Variants in SLC30A8 observed in about 807,000 individuals in gnomAD.
SLC30A8 encodes the protein solute carrier family 30 member 8.
Under a neutral mutation model 36.9 loss-of-function variants are expected in SLC30A8, and 27 were observed. The observed-to-expected ratio is 0.73, with a 90% CI of 0.54 to 1.01. The LOEUF (loss-of-function observed/expected upper bound fraction) is 1.01, where lower values mean the gene tolerates loss of function less well. Among genes scored for constraint, SLC30A8 ranks in the 50% least tolerant of loss-of-function variants. SLC30A8 has a pLI of 0.00. For synonymous variants in SLC30A8, 164 were observed against 172.4 expected (o/e 0.95, Z 0.38); for missense variants, 439 against 452.0 (o/e 0.97, Z 0.26).
intron 1 of SLC30A8, among the ~76,000 whole-genome samples, chr8:116,981,514 C>A (rs1408482355): frequency 1.3e-5 from 2 of 152,156 alleles, no homozygotes; most frequent in African/African-American, 4.8e-5. Context: ...TTTCACCACC[C>A]AGGTAATAAG....
At chr8:116,959,192 G>C (rs75574855) in intron 1 of SLC30A8, among the ~76,000 whole-genome samples, 1 of 151,888 alleles carries the variant, frequency 6.6e-6, no homozygotes, top group Non-Finnish European at 1.5e-5. Context: ...TCTGTGTTTC[G>C]AGTGGTTTCT....
intron 1 of SLC30A8, among the ~76,000 whole-genome samples, chr8:116,976,822 C>CTTTCT (rs1288131947): frequency 2.9e-5 from 1 of 34,894 alleles, no homozygotes; most frequent in Non-Finnish European, 6.6e-5. Context: ...TTCTTTCTTT[C>CTTTCT]TTTTTTTTTT....
At chr8:117,050,196 C>T (rs1007356919) in intron 2 of SLC30A8, among the ~76,000 whole-genome samples, 3 of 152,032 alleles carry the variant, frequency 2.0e-5, no homozygotes, top group Admixed American at 6.6e-5. Flanking sequence ...GTCTGTGGCC[C>T]GGCTCTGCTT....
intron 1 of SLC30A8, among the ~76,000 whole-genome samples, chr8:117,023,761 C>T (rs1157098127): frequency 6.6e-6 from 1 of 151,302 alleles, no homozygotes; most frequent in Non-Finnish European, 1.5e-5. Context: ...TGGAGATATA[C>T]CTAAAGTTAA....
At chr8:116,989,463 TA>T (rs1403610520) in intron 1 of SLC30A8, among the ~76,000 whole-genome samples, 1 of 152,226 alleles carries the variant, frequency 6.6e-6, no homozygotes, top group Non-Finnish European at 1.5e-5. Flanking sequence ...TACCTCATCC[TA>T]TATTGTTTAT....
chr8:117,087,684 ACT>A (rs1454126731), intron 2 of SLC30A8, among the ~76,000 whole-genome samples: 1 of 151,764 alleles, frequency 6.6e-6, no homozygotes, highest in African/African-American at 2.4e-5. Context: ...ATTATATGCC[ACT>A]CTTAGCAACT....
At chr8:117,150,088 G>A (rs985205471) in intron 2 of SLC30A8, among the ~76,000 whole-genome samples, 6 of 152,114 alleles carry the variant, frequency 3.9e-5, no homozygotes, top group African/African-American at 7.2e-5. Context: ...TTTTCTTATC[G>A]ACATTATAAA....
At chr8:117,138,493 C>G (rs1821476123) in intron 1 of SLC30A8, among the ~76,000 whole-genome samples, 1 of 151,956 alleles carries the variant, frequency 6.6e-6, no homozygotes, top group Non-Finnish European at 1.5e-5. Flanking sequence ...GCTCCCTCTC[C>G]TCCCAGCTTC....
chr8:117,098,040 ATAAT>A (rs1467942236), intron 2 of SLC30A8, among the ~76,000 whole-genome samples: 2 of 135,948 alleles, frequency 1.5e-5, no homozygotes, highest in African/African-American at 5.5e-5. Flanking sequence ...TTAAATAAAT[ATAAT>A]TATATATAAT....
intron 6 of SLC30A8, among the ~76,000 whole-genome samples, chr8:117,166,938 A>G (rs1466762350): frequency 6.6e-6 from 1 of 151,922 alleles, no homozygotes; most frequent in Non-Finnish European, 1.5e-5. Context: ...TAGTGTTGAC[A>G]ACAGTGAAAT....
intron 2 of SLC30A8, among the ~76,000 whole-genome samples, chr8:117,099,153 C>T (rs892115757): frequency 6.6e-6 from 1 of 152,124 alleles, no homozygotes; most frequent in Non-Finnish European, 1.5e-5. Flanking sequence ...TGTGGAATGC[C>T]TACAGCCAAA....
intron 1 of SLC30A8, among the ~76,000 whole-genome samples, chr8:116,959,789 G>T (rs1596895): frequency 6.6e-6 from 1 of 151,996 alleles, no homozygotes. Context: ...TTCCCAGCCT[G>T]TGTGAAGACT....
At chr8:117,131,237 T>C (rs1821125691), upstream of SLC30A8, among the ~76,000 whole-genome samples, 1 of 152,038 alleles carries the variant, frequency 6.6e-6, no homozygotes, top group African/African-American at 2.4e-5. Flanking sequence ...TTCATAATGC[T>C]CTCTAAAATA....
intron 1 of SLC30A8, among the ~76,000 whole-genome samples, chr8:117,143,745 C>G (rs1268236345): frequency 6.6e-6 from 1 of 151,608 alleles, no homozygotes; most frequent in African/African-American, 2.4e-5. Flanking sequence ...TTATGAAGCC[C>G]ACTTTTGGAT....
At chr8:117,045,890 C>T (rs552268715) in intron 2 of SLC30A8, among the ~76,000 whole-genome samples, 75 of 151,922 alleles carry the variant, frequency 4.9e-4, no homozygotes, top group Non-Finnish European at 9.1e-4. Flanking sequence ...GGTTCTTTAC[C>T]CTTTTTCAAG....
intron 2 of SLC30A8, among the ~76,000 whole-genome samples, chr8:117,105,837 T>C (rs1257549789): frequency 2.0e-5 from 3 of 152,198 alleles, no homozygotes; most frequent in African/African-American, 7.2e-5. Context: ...CCTACCCAAG[T>C]TGACACATAA....
At chr8:117,146,885 C>G in intron 1 of SLC30A8, 69 bp from the exon 2 acceptor site, 1 of 1,598,360 alleles carries the variant, frequency 6.3e-7, no homozygotes, top group Admixed American at 1.7e-5. Context: ...CAAGTATGGG[C>G]AGGGTGGGTC....
intron 2 of SLC30A8, among the ~76,000 whole-genome samples, chr8:117,123,749 G>A (rs1820784293): frequency 6.6e-6 from 1 of 151,948 alleles, no homozygotes; most frequent in Admixed American, 6.6e-5. Context: ...AACACAATAT[G>A]TCATTCTTAA....
chr8:117,132,924 G>C (rs1359151248), upstream of SLC30A8, among the ~76,000 whole-genome samples: 2 of 151,994 alleles, frequency 1.3e-5, no homozygotes, highest in South Asian at 2.1e-4. Flanking sequence ...ACTGTTCTCT[G>C]TTCTTATGCT....
Sources: allele counts gnomAD v4.1 joint callset (sites outside exome capture counted in the v4.1 genomes callset), GRCh38; gene constraint gnomAD v4.1.1; transcripts MANE v1.5; gene names NCBI Gene and HGNC (gene_info 2026-07-23, HGNC 2026-07-21).